Variants in LRRTM4 observed in about 807,000 individuals in gnomAD.
The protein encoded by LRRTM4 is leucine rich repeat transmembrane neuronal 4.
LRRTM4 carries 25 observed loss-of-function variants against 47.6 expected under a neutral mutation model. The ratio of observed to expected loss-of-function variants is 0.53; its 90% confidence interval spans 0.38 to 0.73. The LOEUF is 0.73. Among genes scored for constraint, LRRTM4 ranks in the 30% least tolerant of loss-of-function variants. The probability of loss-of-function intolerance (pLI) is 0.00; values close to 1 mark genes in which losing one functional copy is unlikely to be tolerated. For synonymous variants in LRRTM4, 311 were observed against 269.5 expected, an observed-to-expected ratio of 1.15 and a Z score of -1.51; for missense variants, 638 against 713.4, an observed-to-expected ratio of 0.89 and a Z score of 1.20.
At chr2:77,276,038 T>C (rs1272366379) in intron 3 of LRRTM4, among the ~76,000 whole-genome samples, 1 of 151,920 alleles carries the variant, frequency 6.6e-6, no homozygotes, top group East Asian at 1.9e-4. Flanking sequence ...AGGAAAAGTG[T>C]GACTGAAATG....
chr2:77,483,118 C>CAAAAAAAAAAAAAAAA (rs776265725), intron 3 of LRRTM4, among the ~76,000 whole-genome samples: 20 of 60,594 alleles, frequency 3.3e-4, no homozygotes, highest in Non-Finnish European at 4.5e-4. Flanking sequence ...AAGACTGTCT[C>CAAAAAAAAAAAAAAAA]AAAAAAAAAA....
chr2:76,993,589 TA>T, intron 3 of LRRTM4, among the ~76,000 whole-genome samples: 1 of 152,054 alleles, frequency 6.6e-6, no homozygotes, highest in East Asian at 1.9e-4. Flanking sequence ...TGGCTATTAT[TA>T]AAAATACAAA....
At chr2:77,010,420 A>T (rs1018310375) in intron 3 of LRRTM4, among the ~76,000 whole-genome samples, 2 of 151,422 alleles carry the variant, frequency 1.3e-5, no homozygotes, top group Admixed American at 6.6e-5. Flanking sequence ...TTCACTTAGC[A>T]TAATGTCTTC....
chr2:77,506,155 A>G (rs1678762865), intron 3 of LRRTM4, among the ~76,000 whole-genome samples: 1 of 151,684 alleles, frequency 6.6e-6, no homozygotes, highest in South Asian at 2.1e-4. Flanking sequence ...GAATATAGAA[A>G]GCACAAAAAT....
intron 3 of LRRTM4, among the ~76,000 whole-genome samples, chr2:77,015,554 G>C (rs1208932176): frequency 2.0e-5 from 3 of 152,026 alleles, no homozygotes; most frequent in Non-Finnish European, 4.4e-5. Flanking sequence ...TCGAACTCCT[G>C]ACCTTGTGAT....
intron 3 of LRRTM4, among the ~76,000 whole-genome samples, chr2:77,024,454 A>AC (rs1678380944): frequency 6.6e-6 from 1 of 151,218 alleles, no homozygotes; most frequent in African/African-American, 2.4e-5. Context: ...CCAGCATCCT[A>AC]CCTCACACAT....
chr2:77,436,722 AT>A (rs1193392518), intron 3 of LRRTM4, among the ~76,000 whole-genome samples: 1 of 151,870 alleles, frequency 6.6e-6, no homozygotes, highest in Non-Finnish European at 1.5e-5. Context: ...TAACCAATAC[AT>A]TAATTTCTGC....
At chr2:77,362,785 T>C (rs13412330) in intron 3 of LRRTM4, among the ~76,000 whole-genome samples, 7,958 of 152,266 alleles carry the variant, frequency 0.052, 422 homozygotes, top group East Asian at 0.24. Context: ...CTGAGTCCTT[T>C]TTTAAGTATC....
intron 3 of LRRTM4, among the ~76,000 whole-genome samples, chr2:76,769,680 A>G (rs1224520435): frequency 6.6e-5 from 10 of 152,152 alleles, no homozygotes; most frequent in Admixed American, 6.5e-4. Context: ...TGACGCCAAC[A>G]TACTGAATTC....
chr2:76,796,877 A>C (rs1046582691), intron 3 of LRRTM4, among the ~76,000 whole-genome samples: 1 of 152,078 alleles, frequency 6.6e-6, no homozygotes, highest in African/African-American at 2.4e-5. Context: ...GGTATCAGCA[A>C]TGGAAGATGA....
intron 3 of LRRTM4, among the ~76,000 whole-genome samples, chr2:76,782,639 C>G (rs182472775): frequency 2.0e-5 from 3 of 152,148 alleles, no homozygotes; most frequent in Admixed American, 6.5e-5. Flanking sequence ...CGGGTCTGTG[C>G]TTTTTTGCTT....
intron 3 of LRRTM4, among the ~76,000 whole-genome samples, chr2:76,802,150 G>T (rs1021292736): frequency 6.6e-6 from 1 of 151,130 alleles, no homozygotes; most frequent in African/African-American, 2.4e-5. Flanking sequence ...AAGAATAAAA[G>T]TCATCTAAAC....
chr2:76,853,099 C>CTT (rs1204526452), intron 3 of LRRTM4, among the ~76,000 whole-genome samples: 2 of 152,048 alleles, frequency 1.3e-5, no homozygotes, highest in East Asian at 3.9e-4. Flanking sequence ...AAAGTTTGGA[C>CTT]TTGATATTGG....
intron 3 of LRRTM4, among the ~76,000 whole-genome samples, chr2:77,201,225 C>T (rs1174257057): frequency 2.0e-5 from 3 of 152,082 alleles, no homozygotes; most frequent in Non-Finnish European, 2.9e-5. Flanking sequence ...AATCTGGATT[C>T]TTACAGGTTA....
chr2:76,998,797 C>G (rs577545449), intron 3 of LRRTM4, among the ~76,000 whole-genome samples: 7 of 147,676 alleles, frequency 4.7e-5, no homozygotes, highest in African/African-American at 1.8e-4. Flanking sequence ...TAACATCAGG[C>G]GTACATTGAG....
rs1558771624 is a variant in LRRTM4 at position 76,974,199 on chromosome 2, T to TATATATATACATAC, written c.1552-225284_1552-225283insGTATGTATATATAT. On this transcript the variant is annotated intron_variant, in intron 3 of 3. Transcript: ENST00000409884. ...ATATATATACATACATATATATACA[T>TATATATATACATAC]ATATATATATACACATATATATACA... 2.2e-3 allele frequency among the ~76,000 whole-genome samples: 205 copies of TATATATATACATAC among 94,800 alleles called. 3 individuals carry two copies. Among genetic ancestry groups the TATATATATACATAC allele is most frequent in the African/African-American group, 7.4e-3 (196 of 26,494 alleles). The allele number at this position is 94,800 out of a possible 152,430, so 62.2% of individuals were successfully genotyped here.
chr2:77,045,788 T>G (rs1312638343), intron 3 of LRRTM4, among the ~76,000 whole-genome samples: 1 of 151,904 alleles, frequency 6.6e-6, no homozygotes, highest in Non-Finnish European at 1.5e-5. Context: ...CAGTCTTGGG[T>G]AAGTGTTTAT....
chr2:77,369,786 A>G (rs1672594174), intron 3 of LRRTM4, among the ~76,000 whole-genome samples: 1 of 151,806 alleles, frequency 6.6e-6, no homozygotes, highest in Non-Finnish European at 1.5e-5. Context: ...AAATCTTTAC[A>G]GCCTCTTACT....
chr2:77,201,603 A>G (rs1673976688), intron 3 of LRRTM4, among the ~76,000 whole-genome samples: 1 of 152,156 alleles, frequency 6.6e-6, no homozygotes, highest in Admixed American at 6.6e-5. Context: ...TTCAAGTAGA[A>G]AAGACTATAC....
Sources: gnomAD v4.1 joint callset for allele counts (sites outside exome capture counted in the v4.1 genomes callset) on GRCh38, gnomAD v4.1.1 for gene constraint, MANE v1.5 for transcripts, NCBI Gene and HGNC (gene_info 2026-07-23, HGNC 2026-07-21) for gene names.